The following PKHD1 variants were observed in gnomAD, a reference collection of about 807,000 sequenced individuals.
PKHD1 encodes fibrocystin.
A neutral mutation model predicts 412.0 loss-of-function variants in PKHD1; 291 were observed. The ratio of observed to expected loss-of-function variants is 0.71; its 90% CI spans 0.64 to 0.78. The LOEUF is 0.78. Among genes scored for constraint, PKHD1 ranks in the 30% least tolerant of loss-of-function variants. PKHD1 has a pLI of 0.00. For synonymous variants in PKHD1, 1,777 were observed against 1,821.5 expected (o/e 0.98, Z 0.62); for missense variants, 4,825 against 4,950.7 (o/e 0.97, Z 0.76).
chr6:51,848,111 T>C (rs894953403), intron 49 of PKHD1, 141 bp from the exon 50 acceptor site: 5 of 677,682 alleles, frequency 7.4e-6, no homozygotes, highest in Admixed American at 4.4e-5. Flanking sequence ...TAGACCCAGA[T>C]TGTACTTTTC....
Position 52,015,823 on chromosome 6 carries a change from C to CA in PKHD1, c.5600+1586dup, listed in dbSNP as rs1254802647. Among the ~76,000 whole-genome samples the CA allele has an allele frequency of 6.3e-3, 871 of 139,020 alleles. 6 individuals are homozygous for CA. Among genetic ancestry groups the CA allele is most frequent in the African/African-American group, 0.021 (787 of 37,564 alleles). 91.2% of individuals were successfully genotyped at this position (139,020 alleles called of 152,430 possible). On this transcript the variant is annotated intron_variant, in intron 34 of 66. Coordinates refer to ENST00000371117, the MANE Select transcript of PKHD1 (RefSeq NM_138694.4). ...TGGGCAACAGAGCAAGACTCAGTCTCAAAAAAAAAAGAAAAAAGAAAACAT... is the reference window on the plus strand; with the variant it reads ...TGGGCAACAGAGCAAGACTCAGTCTCAAAAAAAAAAAGAAAAAAGAAAACAT...
rs567255295 is a variant in PKHD1 at position 51,657,131 on chromosome 6, A to G, written c.11174+1821T>C. Among the ~76,000 whole-genome samples the G allele has an allele frequency of 2.2e-3, 338 of 151,942 alleles. 5 individuals are homozygous for G. The highest frequency in any genetic ancestry group is 7.0e-3 in the African/African-American group (290 of 41,504). On this transcript the variant is annotated intron_variant, in intron 61 of 66. Coordinates refer to ENST00000371117, the MANE Select transcript of PKHD1 (RefSeq NM_138694.4). Reference sequence around the variant, plus strand: ...AAGTATAATAATAATAAAAAAAAAAAAAAGAAAGAACTGCATTCCTAGACT... The same window carrying G: ...AAGTATAATAATAATAAAAAAAAAAGAAAGAAAGAACTGCATTCCTAGACT...
chr6:51,951,997 A>C (rs1790435612), intron 36 of PKHD1, among the ~76,000 whole-genome samples: 1 of 152,204 alleles, frequency 6.6e-6, no homozygotes, highest in Non-Finnish European at 1.5e-5. Flanking sequence ...GGTCCCTTTC[A>C]GTAGCATTTT....
intron 60 of PKHD1, chr6:51,721,565 A>T: frequency 1.0e-6 from 1 of 999,488 alleles, no homozygotes; most frequent in Non-Finnish European, 1.2e-6. Context: ...CAACACCACC[A>T]ATTTAATATC....
At chr6:51,661,498 A>C (rs945856096) in intron 60 of PKHD1, among the ~76,000 whole-genome samples, 1 of 152,066 alleles carries the variant, frequency 6.6e-6, no homozygotes, top group African/African-American at 2.4e-5. Flanking sequence ...AAACTATATA[A>C]TTTTCTCATA....
intron 36 of PKHD1, among the ~76,000 whole-genome samples, chr6:51,956,191 A>G (rs1444603423): frequency 6.6e-6 from 1 of 152,046 alleles, no homozygotes; most frequent in African/African-American, 2.4e-5. Context: ...TTATATTCCT[A>G]ACAATTCATC....
At chr6:51,669,165 CCA>C (rs751583734) in intron 60 of PKHD1, among the ~76,000 whole-genome samples, 41,303 of 151,632 alleles carry the variant, frequency 0.27, 6,308 homozygotes, top group South Asian at 0.4. Context: ...GGCTGTGAAT[CCA>C]TCTGGTCCTG....
At chr6:52,026,272 G>A (rs1422406818) in intron 31 of PKHD1, 91 bp from the exon 32 acceptor site, 2 of 1,203,586 alleles carry the variant, frequency 1.7e-6, no homozygotes, top group Admixed American at 1.8e-5. Flanking sequence ...TCAATTAAGT[G>A]GAAGGTAGGG....
intron 50 of PKHD1, among the ~76,000 whole-genome samples, chr6:51,845,650 GCA>G (rs1491420811): frequency 8.5e-5 from 13 of 152,214 alleles, no homozygotes; most frequent in African/African-American, 2.2e-4. Flanking sequence ...TCATACATAT[GCA>G]CAGATACAGA....
chr6:51,642,657 C>T (rs759623581), intron 63 of PKHD1, among the ~76,000 whole-genome samples: 21 of 151,986 alleles, frequency 1.4e-4, no homozygotes, highest in East Asian at 3.9e-4. Flanking sequence ...TTGGCCAACA[C>T]GGCAAAACCC....
At position 51,659,109 on chromosome 6, in the gene PKHD1, T is replaced by C; in HGVS notation, c.11017A>G (p.Arg3673Gly). The change falls in exon 61 of 67, where the codon AGG (arginine) becomes GGG (glycine). Residue 3673 changes from arginine (R) to glycine (G), a missense_variant. Physicochemically the swap from Arg to Gly is moderately radical, Grantham distance 125. Coordinates refer to ENST00000371117, the MANE Select transcript of PKHD1 (RefSeq NM_138694.4). ...AAGGATGAAATCATTCCAGTGCTCC[T>C]TACTGTTGGCGAATCACCAATTTCA... Reference protein sequence around the residue: ...VIEIGDSPTVRSTGMISSLSS... With the variant: ...VIEIGDSPTVGSTGMISSLSS... 3 of 1,613,908 alleles carry C rather than the reference T, an allele frequency of 1.9e-6. No homozygotes were observed. The highest frequency in any genetic ancestry group is 2.5e-6 in the Non-Finnish European group (3 of 1,179,884).
chr6:52,073,509 T>C lies in PKHD1; in HGVS notation c.481A>G (p.Thr161Ala), dbSNP rs1316024473. 1 of 1,607,604 alleles carries C rather than the reference T, an allele frequency of 6.2e-7. No homozygotes were observed. Among genetic ancestry groups the C allele is most frequent in the East Asian group, 2.2e-5 (1 of 44,832 alleles). Residue 161 changes from threonine (T) to alanine (A), a missense_variant, in exon 7 of 67, where the codon ACT (threonine) becomes GCT (alanine). Physicochemically the swap from Thr to Ala is moderately conservative, Grantham distance 58. Transcript: ENST00000371117. ...KLIHVYGWII[T>A]GRLETFDFDA... Reference sequence around the variant, plus strand: ...AAATCAAAAGTTTCCAATCTTCCAGTGATAATCCAGCCATATACATGTATT... The same window carrying C: ...AAATCAAAAGTTTCCAATCTTCCAGCGATAATCCAGCCATATACATGTATT...
At position 51,772,771 on chromosome 6, in the gene PKHD1, T is replaced by C. The variant is rs752111815; in HGVS notation, c.8573A>G (p.His2858Arg). 2 of 1,588,640 alleles carry C rather than the reference T, an allele frequency of 1.3e-6. No individual in the cohort carries two copies. The highest frequency in any genetic ancestry group is 1.1e-5 in the South Asian group (1 of 90,588). The change falls in exon 55 of 67, where the codon CAT (histidine) becomes CGT (arginine). Residue 2858 changes from histidine (H) to arginine (R), a missense_variant. His to Arg is a conservative substitution (Grantham distance 29). Coordinates refer to ENST00000371117, the MANE Select transcript of PKHD1 (RefSeq NM_138694.4). ...PGTIGVYGKV[H>R]LYSAYPKNSW... Reference sequence around the variant, plus strand: ...GTTCTTAGGATAAGCACTGTAAAGATGAACTTTCCCATAAACCCCTGAAAA... The same window carrying C: ...GTTCTTAGGATAAGCACTGTAAAGACGAACTTTCCCATAAACCCCTGAAAA...
chr6:51,742,634 T>A (rs1050127732), intron 60 of PKHD1, among the ~76,000 whole-genome samples: 2 of 152,058 alleles, frequency 1.3e-5, no homozygotes, highest in African/African-American at 4.8e-5. Flanking sequence ...TTACTTATAA[T>A]CCATTCATTT....
In PKHD1 at chr6:51,870,646, T is replaced by C; in HGVS notation, c.7351-7A>G. ...ATGACATACACAGACTTCCCTGTGA[T>C]TTAAAAGAAAAAAAGATGAAAGCAA... On this transcript the variant is annotated splice_region_variant and splice_polypyrimidine_tract_variant and intron_variant, in intron 46 of 66. Transcript: ENST00000371117. 2 of 1,606,188 alleles carry C rather than the reference T, an allele frequency of 1.2e-6. 1 individual carries two copies. Among genetic ancestry groups the C allele is most frequent in the South Asian group, 2.2e-5 (2 of 90,736 alleles).
intron 51 of PKHD1, among the ~76,000 whole-genome samples, chr6:51,834,236 G>A (rs1704745988): frequency 6.6e-6 from 1 of 152,164 alleles, no homozygotes; most frequent in Non-Finnish European, 1.5e-5. Flanking sequence ...ACAATGAGTT[G>A]TTCGCTGATG....
intron 36 of PKHD1, among the ~76,000 whole-genome samples, chr6:51,944,496 C>T (rs1317434670): frequency 3.9e-5 from 6 of 152,166 alleles, no homozygotes; most frequent in Admixed American, 3.3e-4. Flanking sequence ...GCTGACTTCA[C>T]TCAGATTCAT....
chr6:51,940,542 C>A (rs1176298896), intron 36 of PKHD1, among the ~76,000 whole-genome samples: 1 of 151,762 alleles, frequency 6.6e-6, no homozygotes, highest in Non-Finnish European at 1.5e-5. Flanking sequence ...TGGGACCCCA[C>A]TGAAAATCGG....
chr6:52,074,756 C>G (rs577836194), intron 6 of PKHD1, among the ~76,000 whole-genome samples: 1 of 152,256 alleles, frequency 6.6e-6, no homozygotes, highest in Non-Finnish European at 1.5e-5. Flanking sequence ...CCTACCACCT[C>G]CCCCATCTCC....
Sources: gnomAD v4.1 joint callset for allele counts (sites outside exome capture counted in the v4.1 genomes callset) on GRCh38, gnomAD v4.1.1 for gene constraint, MANE v1.5 for transcripts, NCBI Gene and HGNC (gene_info 2026-07-23, HGNC 2026-07-21) for gene names.